The following AFAP1 variants were observed in gnomAD, a reference collection of about 807,000 sequenced individuals.
The protein encoded by AFAP1 is actin filament-associated protein 1.
AFAP1 carries 75 observed loss-of-function variants against 93.9 expected under a neutral mutation model. That is an observed-to-expected ratio of 0.80 (90% CI 0.66 to 0.97). The LOEUF (loss-of-function observed/expected upper bound fraction) is 0.97, where lower values mean the gene tolerates loss of function less well. Ranked by LOEUF, AFAP1 falls within the 50% of genes least tolerant of loss-of-function variation. The pLI is 0.00. For missense variants in AFAP1, 1,201 were observed against 1,050.8 expected (o/e 1.14, Z -1.98); for synonymous variants, 517 against 430.7 (o/e 1.20, Z -2.48).
rs371769443 is a variant in AFAP1, at chr4:7,778,796, C to T, written c.1863G>A (p.Ala621=). ...TCCTTTTCACAACAGCCGCGGGATC[C>T]GCTTTCTTTGGCTGACTGCTCAGAG... ...GKTLSSQPKK[A]DPAAVVKRTG... The change falls in exon 14 of 18, where the codon GCG becomes GCA. Residue 621 remains alanine, a synonymous_variant. Transcript: ENST00000420658. 1.9e-5 allele frequency: 31 copies of T among 1,614,210 alleles called. No homozygotes were observed. The highest frequency in any genetic ancestry group is 1.6e-4 in the East Asian group (7 of 44,880).
chr4:7,857,220 T>C (rs1377406197), intron 3 of AFAP1, among the ~76,000 whole-genome samples: 2 of 152,106 alleles, frequency 1.3e-5, no homozygotes, highest in Non-Finnish European at 2.9e-5. Flanking sequence ...AAGGTTCTAT[T>C]GAAAGTATGG....
At chr4:7,805,869 G>A (rs1456290508) in intron 9 of AFAP1, among the ~76,000 whole-genome samples, 7 of 152,210 alleles carry the variant, frequency 4.6e-5, no homozygotes, top group Non-Finnish European at 8.8e-5. Flanking sequence ...TTTTCTCAAT[G>A]CAGAATGTGA....
intron 1 of AFAP1, among the ~76,000 whole-genome samples, chr4:7,881,916 G>A (rs1232341248): frequency 2.0e-5 from 3 of 152,162 alleles, no homozygotes; most frequent in Non-Finnish European, 1.5e-5. Flanking sequence ...CTTAAAGCGA[G>A]ATGGATATTA....
chr4:7,774,544 T>G, intron 15 of AFAP1, 195 bp downstream of exon 15: 1 of 822,106 alleles, frequency 1.2e-6, no homozygotes, highest in Non-Finnish European at 1.8e-6. Flanking sequence ...GCACGCCGCA[T>G]GTTTGACCAC....
chr4:7,773,419 C>T (rs965067216), intron 15 of AFAP1: 3 of 191,488 alleles, frequency 1.6e-5, no homozygotes, highest in Non-Finnish European at 3.2e-5. Flanking sequence ...AGGCAATGAA[C>T]AGTAGCTCAG....
chr4:7,812,912 G>A (rs1207468196), intron 8 of AFAP1, among the ~76,000 whole-genome samples: 1 of 152,156 alleles, frequency 6.6e-6, no homozygotes, highest in Non-Finnish European at 1.5e-5. Context: ...TTACAGATGT[G>A]AAGTGGGGCT....
intron 17 of AFAP1, among the ~76,000 whole-genome samples, chr4:7,767,293 G>A (rs918576180): frequency 3.9e-5 from 6 of 152,164 alleles, no homozygotes; most frequent in African/African-American, 1.4e-4. Flanking sequence ...AGGGAGCGGG[G>A]GGCCTGAACC....
chr4:7,926,600 T>TA (rs1720781345), intron 1 of AFAP1, among the ~76,000 whole-genome samples: 1 of 152,148 alleles, frequency 6.6e-6, no homozygotes, highest in Admixed American at 6.5e-5. Context: ...GTGGACTATT[T>TA]AGAGTGTAGT....
At chr4:7,844,759 G>A (rs544642895) in intron 4 of AFAP1, among the ~76,000 whole-genome samples, 1 of 152,230 alleles carries the variant, frequency 6.6e-6, no homozygotes, top group Non-Finnish European at 1.5e-5. Flanking sequence ...ACCAGCGCCC[G>A]TCATTCCTCT....
Position 7,893,051 on chromosome 4 carries a change from C to G in AFAP1, c.-2-20971G>C, listed in dbSNP as rs374547181. 2.0e-5 allele frequency among the ~76,000 whole-genome samples: 3 copies of G among 152,254 alleles called. No homozygotes were observed. The East Asian group carries it at 5.8e-4, about 29-fold the overall frequency. ...CATATATGAGAAAATGAAGAAGACACAAAGACTGAAATCAAGGGATTTTTA... is the reference window on the plus strand; with the variant it reads ...CATATATGAGAAAATGAAGAAGACAGAAAGACTGAAATCAAGGGATTTTTA... On this transcript the variant is annotated intron_variant, in intron 1 of 17. Transcript: ENST00000420658.
At chr4:7,764,590 T>C (rs1451046289) in intron 17 of AFAP1, among the ~76,000 whole-genome samples, 1 of 152,184 alleles carries the variant, frequency 6.6e-6, no homozygotes, top group Admixed American at 6.5e-5. Flanking sequence ...AGAAAAAAAT[T>C]TTTTTAAATA....
chr4:7,790,461 G>T (rs975750940), intron 11 of AFAP1, among the ~76,000 whole-genome samples: 1 of 152,114 alleles, frequency 6.6e-6, no homozygotes, highest in Admixed American at 6.5e-5. Flanking sequence ...GTATTCTAGG[G>T]CAACGATTTT....
intron 11 of AFAP1, among the ~76,000 whole-genome samples, chr4:7,790,366 A>G (rs4234830): frequency 0.24 from 36,883 of 152,134 alleles, 5,523 homozygotes; most frequent in East Asian, 0.76. Flanking sequence ...TAGTGTTATA[A>G]TCTACATTCC....
At chr4:7,814,527 T>C (rs980556582) in intron 8 of AFAP1, among the ~76,000 whole-genome samples, 2 of 152,212 alleles carry the variant, frequency 1.3e-5, no homozygotes, top group Non-Finnish European at 2.9e-5. Flanking sequence ...TCAAATGTTC[T>C]TCAAGAGGTG....
At chr4:7,889,604 C>T (rs778639629) in intron 1 of AFAP1, among the ~76,000 whole-genome samples, 1 of 144,410 alleles carries the variant, frequency 6.9e-6, no homozygotes, top group Non-Finnish European at 1.5e-5. Flanking sequence ...TTTTCATATT[C>T]TTTATCTCAC....
At chr4:7,834,809 T>C (rs1385441244) in intron 6 of AFAP1, among the ~76,000 whole-genome samples, 2 of 152,250 alleles carry the variant, frequency 1.3e-5, no homozygotes, top group South Asian at 2.1e-4. Flanking sequence ...CCCAACGGAA[T>C]GTAACTTGGA....
At chr4:7,790,884 T>C (rs914000884) in intron 11 of AFAP1, among the ~76,000 whole-genome samples, 6 of 152,234 alleles carry the variant, frequency 3.9e-5, no homozygotes, top group African/African-American at 1.2e-4. Flanking sequence ...GGGGATTTTA[T>C]GGACAATCTG....
chr4:7,843,466 C>T (rs1282145058), intron 4 of AFAP1, 116 bp from the exon 5 acceptor site: 1 of 961,312 alleles, frequency 1.0e-6, no homozygotes, highest in Non-Finnish European at 1.5e-6. Flanking sequence ...GAGAAAGGGA[C>T]CTCTGCTCCT....
In AFAP1 at chr4:7,759,568, G is replaced by A. The variant is rs1713490229; in HGVS notation, c.*4197C>T. On this transcript the variant is annotated 3_prime_UTR_variant, in exon 18 of 18. Coordinates refer to ENST00000420658, the MANE Select transcript of AFAP1 (RefSeq NM_001134647.2). ...GGGGATAAGAAGACAGTGACAACCA[G>A]GAAAAAATGAATTATCCTCCTTCAA... The A allele has an allele frequency of 6.6e-6, 1 of 152,618 alleles. No individual in the cohort carries two copies. The highest frequency in any genetic ancestry group is 2.1e-4 in the South Asian group (1 of 4,834). The allele number at this position is 152,618 out of a possible 1,614,324, so 9.5% of individuals were successfully genotyped here. A position where few individuals can be genotyped will look rare whatever the true frequency, so the allele number is the denominator to read the frequency against.
Sources: gnomAD v4.1 joint callset for allele counts (sites outside exome capture counted in the v4.1 genomes callset) on GRCh38, gnomAD v4.1.1 for gene constraint, MANE v1.5 for transcripts, NCBI Gene and HGNC (gene_info 2026-07-23, HGNC 2026-07-21) for gene names.